Variants in SOX5 observed in about 807,000 individuals in gnomAD.
SOX5 encodes the protein transcription factor SOX-5.
SOX5 carries 9 observed loss-of-function variants against 92.0 expected under a neutral mutation model. The ratio of observed to expected loss-of-function variants is 0.10; its 90% CI spans 0.06 to 0.17. The LOEUF (loss-of-function observed/expected upper bound fraction) is 0.17. SOX5 is among the 10% of genes least tolerant of loss of function. The pLI is 1.00. For missense variants in SOX5, 642 were observed against 944.5 expected, an observed-to-expected ratio of 0.68 and a Z score of 4.20; for synonymous variants, 344 against 336.3, an observed-to-expected ratio of 1.02 and a Z score of -0.25.
chr12:24,228,545 A>C (rs1962603971), intron 3 of SOX5, among the ~76,000 whole-genome samples: 1 of 152,064 alleles, frequency 6.6e-6, no homozygotes, highest in Non-Finnish European at 1.5e-5. Flanking sequence ...CACCACACAC[A>C]CACTGGCAGC....
intron 4 of SOX5, among the ~76,000 whole-genome samples, chr12:24,128,904 G>C (rs1386023565): frequency 2.0e-5 from 3 of 152,152 alleles, no homozygotes; most frequent in Non-Finnish European, 2.9e-5. Context: ...TGGAGTCCAG[G>C]AGAAAAACGA....
chr12:24,101,719 T>C (rs925647958), intron 4 of SOX5, among the ~76,000 whole-genome samples: 4 of 152,292 alleles, frequency 2.6e-5, no homozygotes, highest in African/African-American at 9.6e-5. Flanking sequence ...CAAAATGTGA[T>C]TTCCAACCTG....
rs11047096 is a variant in SOX5, at chr12:23,785,672, C to T, written c.482-29948G>A. 9.2e-3 allele frequency among the ~76,000 whole-genome samples: 1,402 copies of T among 152,058 alleles called. 26 individuals carry two copies. The highest frequency in any genetic ancestry group is 0.033 in the African/African-American group (1,351 of 41,506). ...AGATGGACAATAATGTTGAATAATG[C>T]TATGCATTTAAAAAAATGTTCGTAA... On this transcript the variant is annotated intron_variant, in intron 3 of 14. Transcript: ENST00000451604.
chr12:23,614,395 A>G (rs768340045), intron 8 of SOX5, among the ~76,000 whole-genome samples: 2 of 152,114 alleles, frequency 1.3e-5, no homozygotes, highest in African/African-American at 2.4e-5. Flanking sequence ...TGTCCCCACT[A>G]CTGGGGCAAT....
intron 3 of SOX5, among the ~76,000 whole-genome samples, chr12:24,222,384 T>C (rs576943955): frequency 1.3e-5 from 2 of 152,278 alleles, no homozygotes; most frequent in East Asian, 3.9e-4. Flanking sequence ...TGTGGAATTT[T>C]TTTTTCTGCA....
intron 4 of SOX5, among the ~76,000 whole-genome samples, chr12:24,000,605 A>G (rs1359986161): frequency 6.6e-6 from 1 of 152,148 alleles, no homozygotes; most frequent in Non-Finnish European, 1.5e-5. Context: ...AAGACTAGAC[A>G]ATATTCATTA....
In SOX5 at chr12:23,536,736, T is replaced by C; in HGVS notation, c.1772-67A>G. 5 of 1,224,138 alleles carry C rather than the reference T, an allele frequency of 4.1e-6. No individual in the cohort carries two copies. The African/African-American group carries it at 4.5e-5, about 11-fold the overall frequency. The allele number at this position is 1,224,138 out of a possible 1,614,324, so 75.8% of individuals were successfully genotyped here. On this transcript the variant is annotated intron_variant, in intron 13 of 14. Transcript: ENST00000451604. ...TAAGCATTCCAGAAAGTGATATGGC[T>C]GAGAACAAGAAAATCTAAAGTTGAG...
At chr12:23,950,070 C>G (rs891300463), upstream of SOX5, among the ~76,000 whole-genome samples, 5 of 151,196 alleles carry the variant, frequency 3.3e-5, no homozygotes, top group Non-Finnish European at 7.4e-5. Flanking sequence ...ACACGCAGAA[C>G]AGTATGATTT....
chr12:23,588,165 A>G (rs1223487476), intron 9 of SOX5, among the ~76,000 whole-genome samples: 1 of 152,042 alleles, frequency 6.6e-6, no homozygotes, highest in Non-Finnish European at 1.5e-5. Context: ...AACATATTAA[A>G]GATGCTTAGC....
intron 4 of SOX5, among the ~76,000 whole-genome samples, chr12:24,083,991 C>T (rs1197564969): frequency 3.3e-5 from 5 of 151,790 alleles, no homozygotes; most frequent in Admixed American, 2.6e-4. Flanking sequence ...AGGATCTCAC[C>T]GGAGAAGGAA....
At chr12:24,445,006 G>T (rs1468522178) in intron 1 of SOX5, among the ~76,000 whole-genome samples, 1 of 152,134 alleles carries the variant, frequency 6.6e-6, no homozygotes, top group East Asian at 1.9e-4. Flanking sequence ...AATACTAGAT[G>T]ATTTTTTCTG....
chr12:24,318,107 G>T (rs1010319302), intron 2 of SOX5, among the ~76,000 whole-genome samples: 1 of 152,198 alleles, frequency 6.6e-6, no homozygotes. Context: ...TACTCAGGAG[G>T]CTGAGGCATG....
chr12:23,702,618 G>GA (rs1834041238), intron 6 of SOX5, among the ~76,000 whole-genome samples: 1 of 151,864 alleles, frequency 6.6e-6, no homozygotes, highest in African/African-American at 2.4e-5. Flanking sequence ...ATAAGAAAAA[G>GA]AAAAAACTTT....
At chr12:23,838,964 C>G (rs1250104510) in intron 3 of SOX5, among the ~76,000 whole-genome samples, 1 of 151,650 alleles carries the variant, frequency 6.6e-6, no homozygotes, top group Non-Finnish European at 1.5e-5. Context: ...CTCAGCCTCC[C>G]AAGCAGCTGG....
chr12:24,497,641 T>C (rs1382993609), intron 1 of SOX5, among the ~76,000 whole-genome samples: 1 of 152,160 alleles, frequency 6.6e-6, no homozygotes, highest in Non-Finnish European at 1.5e-5. Context: ...GACAGTGTGG[T>C]GATTCCTCAA....
rs78741326 is a variant in SOX5 at position 24,086,200 on chromosome 12, T to C, written c.-2+127143A>G. ...GGGAGGGGAAAATGCAGTACATTTT[T>C]TTTTTCATTGTCAAAATATACTCTT... On this transcript the variant is annotated intron_variant, in intron 4 of 4. Transcript: ENST00000446891. 6.9e-3 allele frequency among the ~76,000 whole-genome samples: 1,054 copies of C among 152,082 alleles called. 15 individuals are homozygous for C. The highest frequency in any genetic ancestry group is 0.024 in the African/African-American group (1,016 of 41,518).
chr12:24,145,550 G>A (rs1455459081), intron 4 of SOX5, among the ~76,000 whole-genome samples: 1 of 152,140 alleles, frequency 6.6e-6, no homozygotes, highest in Non-Finnish European at 1.5e-5. Context: ...GGGCTGAAGT[G>A]CAGTGGAGCA....
intron 4 of SOX5, among the ~76,000 whole-genome samples, chr12:24,093,938 T>C (rs141527614): frequency 6.6e-6 from 1 of 152,256 alleles, no homozygotes; most frequent in Non-Finnish European, 1.5e-5. Context: ...AAATTGTGTA[T>C]CTTTTTTTGT....
intron 1 of SOX5, among the ~76,000 whole-genome samples, chr12:23,946,184 T>G (rs1944559453): frequency 1.3e-5 from 2 of 152,248 alleles, no homozygotes; most frequent in Non-Finnish European, 2.9e-5. Context: ...GAAAATCTGC[T>G]GTCTGTTGTC....
Sources: gnomAD v4.1 joint callset for allele counts (sites outside exome capture counted in the v4.1 genomes callset) on GRCh38, gnomAD v4.1.1 for gene constraint, MANE v1.5 for transcripts, NCBI Gene and HGNC (gene_info 2026-07-23, HGNC 2026-07-21) for gene names.